TENM3: variants seen among roughly 807,000 people sequenced by gnomAD.
TENM3 encodes the protein teneurin transmembrane protein 3.
A neutral mutation model predicts 255.1 loss-of-function variants in TENM3; 63 were observed. The observed-to-expected ratio is 0.25, with a 90% CI of 0.20 to 0.30. The LOEUF (loss-of-function observed/expected upper bound fraction) is 0.30. Among genes scored for constraint, TENM3 ranks in the 10% least tolerant of loss-of-function variants. The pLI is 1.00. For synonymous variants in TENM3, 1,306 were observed against 1,322.3 expected, an observed-to-expected ratio of 0.99 and a Z score of 0.27; for missense variants, 2,929 against 3,461.1, an observed-to-expected ratio of 0.85 and a Z score of 3.86.
the TENM3 span, among the ~76,000 whole-genome samples, chr4:181,983,144 G>A: frequency 7.1e-4 from 108 of 152,254 alleles, no homozygotes; most frequent in Middle Eastern, 0.01. Context: ...GTTATTCTTA[G>A]CCAGAATGCA....
Position 182,653,751 on chromosome 4 carries a change from CT to C in TENM3, c.989-18del, listed in dbSNP as rs1303220731. The C allele has an allele frequency of 6.3e-7, 1 of 1,596,588 alleles. No homozygotes were observed. The highest frequency in any genetic ancestry group is 2.3e-5 in the East Asian group (1 of 43,904). On this transcript the variant is annotated intron_variant, in intron 5 of 27. Transcript: ENST00000511685. Reference sequence around the variant, plus strand: ...CTGAAGGCAGCAGATCTTTAAACAACTTGTGTTCTTTACCCCCAGCAATGCA... The same window carrying C: ...CTGAAGGCAGCAGATCTTTAAACAACTGTGTTCTTTACCCCCAGCAATGCA...
At chr4:181,468,697 C>A in the TENM3 span, among the ~76,000 whole-genome samples, 1 of 152,224 alleles carries the variant, frequency 6.6e-6, no homozygotes, top group Non-Finnish European at 1.5e-5. Context: ...GTTTCTCACT[C>A]CATATTGCTG....
chr4:182,121,714 T>C, the TENM3 span, among the ~76,000 whole-genome samples: 3 of 152,198 alleles, frequency 2.0e-5, no homozygotes, highest in Non-Finnish European at 4.4e-5. Context: ...GCCATAATAT[T>C]TTTGCTGATG....
At chr4:181,626,518 G>A in the TENM3 span, among the ~76,000 whole-genome samples, 1 of 152,042 alleles carries the variant, frequency 6.6e-6, no homozygotes, top group South Asian at 2.1e-4. Flanking sequence ...AATCATGGCG[G>A]AAGGGGAAGT....
At chr4:181,821,078 C>T in the TENM3 span, among the ~76,000 whole-genome samples, 2 of 152,180 alleles carry the variant, frequency 1.3e-5, no homozygotes, top group Non-Finnish European at 2.9e-5. Context: ...CACTCCTGCC[C>T]ACTATGGATG....
At chr4:181,585,278 T>C in the TENM3 span, among the ~76,000 whole-genome samples, 3 of 152,214 alleles carry the variant, frequency 2.0e-5, no homozygotes, top group Admixed American at 6.5e-5. Flanking sequence ...ACATTAAGTA[T>C]GCAGAGAAAA....
At chr4:181,472,204 A>G in the TENM3 span, among the ~76,000 whole-genome samples, 1 of 152,204 alleles carries the variant, frequency 6.6e-6, no homozygotes, top group Admixed American at 6.5e-5. Flanking sequence ...GTGAGTGTAT[A>G]TACTTACTTT....
intron 19 of TENM3, among the ~76,000 whole-genome samples, chr4:182,746,355 CA>C (rs1762011024): frequency 6.6e-6 from 1 of 152,040 alleles, no homozygotes; most frequent in African/African-American, 2.4e-5. Flanking sequence ...TTAAATAGAA[CA>C]GCAAGAAGAA....
the TENM3 span, among the ~76,000 whole-genome samples, chr4:181,914,204 C>A: frequency 1.3e-5 from 2 of 152,210 alleles, no homozygotes; most frequent in African/African-American, 4.8e-5. Flanking sequence ...TCAACTGACA[C>A]CTTTTGCTAC....
intron 1 of TENM3, among the ~76,000 whole-genome samples, chr4:182,230,539 G>C (rs928304761): frequency 1.6e-4 from 24 of 151,798 alleles, no homozygotes; most frequent in Non-Finnish European, 1.9e-4. Context: ...GACCAAAACA[G>C]ACAGTCACTG....
At chr4:182,592,128 CTT>C (rs77448760) in intron 3 of TENM3, among the ~76,000 whole-genome samples, 47,039 of 137,494 alleles carry the variant, frequency 0.34, 8,671 homozygotes, top group East Asian at 0.49. Flanking sequence ...TTCTTTTCTT[CTT>C]TTTTTTTTTT....
In TENM3 at chr4:182,743,279, C is replaced by T; in HGVS notation, c.3489C>T (p.Cys1163=). The T allele has an allele frequency of 6.2e-7, 1 of 1,614,032 alleles. No homozygotes were observed. ...GGCGCAGCATTTCCTGCCCCAGTTG[C>T]AATGGTCAAGCTGATGGTAACAAGT... ...GRRRSISCPS[C]NGQADGNKLL... is the part of the protein sequence containing the mutation. Residue 1163 remains cysteine, a synonymous_variant, in exon 19 of 28, where the codon TGC becomes TGT. Coordinates refer to ENST00000511685, the MANE Select transcript of TENM3 (RefSeq NM_001080477.4).
the TENM3 span, among the ~76,000 whole-genome samples, chr4:182,071,033 T>C: frequency 6.6e-6 from 1 of 152,164 alleles, no homozygotes; most frequent in Admixed American, 6.5e-5. Flanking sequence ...GGACCCACTT[T>C]CAAAGCCATC....
At chr4:182,788,957 A>T in intron 24 of TENM3, 136 bp from the exon 25 acceptor site, 1 of 713,722 alleles carries the variant, frequency 1.4e-6, no homozygotes, top group African/African-American at 1.8e-5. Flanking sequence ...ACTGCCTTGC[A>T]CTTGTACCCA....
chr4:182,508,345 G>A (rs898257337), intron 3 of TENM3, among the ~76,000 whole-genome samples: 3 of 152,114 alleles, frequency 2.0e-5, no homozygotes, highest in Admixed American at 1.3e-4. Flanking sequence ...AGTATGCTCC[G>A]CTGTGATTAT....
chr4:182,244,207 C>T (rs996037507), intron 1 of TENM3, among the ~76,000 whole-genome samples: 1 of 152,018 alleles, frequency 6.6e-6, no homozygotes. Context: ...CCCGCCTCGG[C>T]CTCCCAAAGT....
chr4:181,844,545 G>A, the TENM3 span, among the ~76,000 whole-genome samples: 1 of 151,966 alleles, frequency 6.6e-6, no homozygotes, highest in African/African-American at 2.4e-5. Flanking sequence ...GCGGGCGCCT[G>A]TAGTCCCAGC....
the TENM3 span, among the ~76,000 whole-genome samples, chr4:181,766,575 A>G: frequency 6.6e-6 from 1 of 152,286 alleles, no homozygotes; most frequent in East Asian, 1.9e-4. Flanking sequence ...TTCTTCTGAG[A>G]GAAAAGGAGT....
At chr4:181,625,064 T>A in the TENM3 span, among the ~76,000 whole-genome samples, 1 of 152,216 alleles carries the variant, frequency 6.6e-6, no homozygotes, top group Admixed American at 6.5e-5. Context: ...CTGCGTTTTG[T>A]TCACCAAATC....
Sources: allele counts gnomAD v4.1 joint callset (sites outside exome capture counted in the v4.1 genomes callset), GRCh38; gene constraint gnomAD v4.1.1; transcripts MANE v1.5; gene names NCBI Gene and HGNC (gene_info 2026-07-23, HGNC 2026-07-21).